The following AGBL1 variants were observed in gnomAD, a reference collection of about 807,000 sequenced individuals.
The protein encoded by AGBL1 is cytosolic carboxypeptidase 4.
In AGBL1, 130 loss-of-function variants were observed where a neutral mutation model predicts 118.9. The ratio of observed to expected loss-of-function variants is 1.09; its 90% CI spans 0.95 to 1.26. The LOEUF (loss-of-function observed/expected upper bound fraction) is 1.26. Ranked by LOEUF, AGBL1 falls within the 50% of genes most tolerant of loss-of-function variation. The pLI is 0.00. For synonymous variants in AGBL1, 555 were observed against 478.9 expected (o/e 1.16, Z -2.08); for missense variants, 1,584 against 1,298.1 (o/e 1.22, Z -3.38).
intron 22 of AGBL1, among the ~76,000 whole-genome samples, chr15:86,827,938 C>CTTTTTGTTTTTTTTTTTTT (rs2079052757): frequency 6.0e-5 from 1 of 16,760 alleles, no homozygotes; most frequent in Admixed American, 8.1e-4. Context: ...TGATGTAGGG[C>CTTTTTGTTTTTTTTTTTTT]TTTTTTTTTT....
At chr15:86,594,668 T>C (rs1284154138) in intron 21 of AGBL1, among the ~76,000 whole-genome samples, 1 of 152,220 alleles carries the variant, frequency 6.6e-6, no homozygotes, top group Non-Finnish European at 1.5e-5. Flanking sequence ...CATGTTAGTA[T>C]GCTACATGAT....
intron 21 of AGBL1, among the ~76,000 whole-genome samples, chr15:86,634,592 T>C (rs1369269871): frequency 2.6e-5 from 4 of 152,182 alleles, no homozygotes; most frequent in Non-Finnish European, 5.9e-5. Flanking sequence ...GATGTGGAGT[T>C]TCTTTTTGAG....
chr15:86,512,357 C>A (rs2083062313), intron 18 of AGBL1, among the ~76,000 whole-genome samples: 1 of 151,886 alleles, frequency 6.6e-6, no homozygotes, highest in Admixed American at 6.6e-5. Context: ...AAGAATTTGT[C>A]TATACCTCTA....
intron 22 of AGBL1, among the ~76,000 whole-genome samples, chr15:86,737,633 T>C (rs1345315928): frequency 6.6e-6 from 1 of 152,088 alleles, no homozygotes; most frequent in Non-Finnish European, 1.5e-5. Flanking sequence ...TCAGGGAGAA[T>C]GACATCTGGG....
intron 18 of AGBL1, among the ~76,000 whole-genome samples, chr15:86,459,922 G>A (rs2082310235): frequency 6.6e-6 from 1 of 152,120 alleles, no homozygotes; most frequent in Non-Finnish European, 1.5e-5. Context: ...TTTGCTATAT[G>A]ATGGAAACTC....
intron 5 of AGBL1, among the ~76,000 whole-genome samples, chr15:86,200,695 C>T (rs1425772513): frequency 6.6e-6 from 1 of 151,578 alleles, no homozygotes; most frequent in Non-Finnish European, 1.5e-5. Flanking sequence ...CGGCTCACTG[C>T]AACCTCTGCC....
intron 20 of AGBL1, 44 bp downstream of exon 20, chr15:86,546,177 T>C (rs76478371): frequency 0.011 from 17,463 of 1,568,072 alleles, 127 homozygotes; most frequent in Non-Finnish European, 0.013. Flanking sequence ...TGTGTTCATA[T>C]TCTTCATTCT....
intron 18 of AGBL1, among the ~76,000 whole-genome samples, chr15:86,488,844 C>G (rs943873582): frequency 6.6e-6 from 1 of 151,990 alleles, no homozygotes; most frequent in African/African-American, 2.4e-5. Context: ...AAGGAATTTC[C>G]CTATAGTCAA....
intron 24 of AGBL1, among the ~76,000 whole-genome samples, chr15:87,012,996 A>T (rs1183929350): frequency 1.3e-5 from 2 of 152,032 alleles, no homozygotes; most frequent in East Asian, 1.9e-4. Context: ...CGGTTGCAAC[A>T]ATGCTTATTT....
At chr15:86,271,069 G>A (rs1285296942) in intron 14 of AGBL1, among the ~76,000 whole-genome samples, 4 of 51,704 alleles carry the variant, frequency 7.7e-5, no homozygotes, top group Admixed American at 2.5e-4. Flanking sequence ...TTTTTTTGGC[G>A]AGACAGAGTC....
chr15:86,527,086 C>T (rs556274905), intron 19 of AGBL1, among the ~76,000 whole-genome samples: 3 of 152,202 alleles, frequency 2.0e-5, no homozygotes, highest in Admixed American at 6.5e-5. Flanking sequence ...TTAGAAGGCA[C>T]TGTAATCTCT....
chr15:86,905,975 G>C (rs979058638), intron 22 of AGBL1, among the ~76,000 whole-genome samples: 14 of 152,148 alleles, frequency 9.2e-5, no homozygotes, highest in Non-Finnish European at 2.1e-4. Context: ...TTCAGTTTAG[G>C]GTACCGCAGC....
chr15:86,901,007 AT>A (rs1163437764), intron 22 of AGBL1, among the ~76,000 whole-genome samples: 1 of 151,962 alleles, frequency 6.6e-6, no homozygotes, highest in East Asian at 1.9e-4. Flanking sequence ...TGTTTTCCTC[AT>A]TTTTTAATCC....
rs142552121 is a variant in AGBL1 at position 87,027,533 on chromosome 15, A to G, written c.3324-1292A>G. On this transcript the variant is annotated intron_variant, in intron 24 of 24. Coordinates refer to the AGBL1 transcript ENST00000441037. ...TACATTATATAGATATGTATTATATAGATGTATATTTATTACATAAATCAT... is the reference window on the plus strand; with the variant it reads ...TACATTATATAGATATGTATTATATGGATGTATATTTATTACATAAATCAT... Among the ~76,000 whole-genome samples the G allele has an allele frequency of 4.0e-5, 6 of 151,470 alleles. No individual in the cohort carries two copies. The East Asian group carries it at 1.2e-3, about 30-fold the overall frequency.
At chr15:86,849,705 G>A (rs538484235) in intron 22 of AGBL1, among the ~76,000 whole-genome samples, 2 of 152,304 alleles carry the variant, frequency 1.3e-5, no homozygotes, top group African/African-American at 4.8e-5. Context: ...GACAGGCATG[G>A]CACAGATTAT....
intron 17 of AGBL1, among the ~76,000 whole-genome samples, chr15:86,324,353 T>C (rs2080151655): frequency 6.6e-6 from 1 of 152,138 alleles, no homozygotes; most frequent in African/African-American, 2.4e-5. Context: ...ATGCCAGCAC[T>C]AAGGGATGGA....
At chr15:86,754,828 G>A (rs1334450909) in intron 22 of AGBL1, among the ~76,000 whole-genome samples, 1 of 152,078 alleles carries the variant, frequency 6.6e-6, no homozygotes. Context: ...TGCATTGCCA[G>A]GCTCAAGAGA....
intron 16 of AGBL1, among the ~76,000 whole-genome samples, chr15:86,281,794 A>G (rs528623201): frequency 9.8e-5 from 15 of 152,312 alleles, no homozygotes; most frequent in Middle Eastern, 3.4e-3. Flanking sequence ...ATTGCTTGCC[A>G]TTACATTCAC....
intron 18 of AGBL1, among the ~76,000 whole-genome samples, chr15:86,508,897 G>A (rs1383143390): frequency 1.3e-5 from 2 of 152,144 alleles, no homozygotes; most frequent in Non-Finnish European, 2.9e-5. Flanking sequence ...GTTCATCACT[G>A]AGTACATACG....
Sources: gnomAD v4.1 joint callset for allele counts (sites outside exome capture counted in the v4.1 genomes callset) on GRCh38, gnomAD v4.1.1 for gene constraint, MANE v1.5 for transcripts, NCBI Gene and HGNC (gene_info 2026-07-23, HGNC 2026-07-21) for gene names.